The following SLC25A4 variants were observed in gnomAD, a reference collection of about 807,000 sequenced individuals.
SLC25A4 encodes the protein ADP/ATP translocase 1.
Under a neutral mutation model 24.7 loss-of-function variants are expected in SLC25A4, and 10 were observed. The observed-to-expected ratio is 0.41, with a 90% CI of 0.25 to 0.69. The LOEUF is 0.69. Ranked by LOEUF, SLC25A4 falls within the 30% of genes least tolerant of loss-of-function variation. The pLI, the probability that SLC25A4 is intolerant of heterozygous loss-of-function variation, is 0.35. For synonymous variants in SLC25A4, 125 were observed against 153.3 expected (o/e 0.82, Z 1.36); for missense variants, 273 against 387.6 (o/e 0.70, Z 2.48).
chr4:185,147,463 T>TTCTA lies in SLC25A4; in HGVS notation c.*500_*503dup, dbSNP rs551018560. The stretch of plus-strand genomic sequence containing the variant: ...GGTTTTCAAACTTAGGCAGGTCATA[T>TTCTA]TCTATCTATCTTATCCAGCATTACT... On this transcript the variant is annotated 3_prime_UTR_variant, in exon 4 of 4. Transcript: ENST00000281456. 1.6e-3 allele frequency: 261 copies of TTCTA among 165,982 alleles called. No individual in the cohort carries two copies. Among genetic ancestry groups the TTCTA allele is most frequent in the Non-Finnish European group, 2.9e-3 (224 of 76,662 alleles). The allele number at this position is 165,982 out of a possible 1,614,324, so 10.3% of individuals were successfully genotyped here. A position where few individuals can be genotyped will look rare whatever the true frequency, so the allele number is the denominator to read the frequency against.
Position 185,145,239 on chromosome 4 carries a change from A to G in SLC25A4, c.587A>G (p.Asp196Gly). 6.2e-7 allele frequency: 1 copy of G among 1,614,068 alleles called. No homozygotes were observed. Among genetic ancestry groups the G allele is most frequent in the Non-Finnish European group, 8.5e-7 (1 of 1,180,032 alleles). Reference sequence around the variant, plus strand: ...AGAGCTGCCTACTTCGGAGTCTATGATACTGCCAAGGGTGAGAGAGGGGCA... The same window carrying G: ...AGAGCTGCCTACTTCGGAGTCTATGGTACTGCCAAGGGTGAGAGAGGGGCA... ...IYRAAYFGVY[D>G]TAKGMLPDPK... The change falls in exon 2 of 4, where the codon GAT becomes GGT. Residue 196 changes from aspartate to glycine, a missense_variant. By Grantham distance (94) the Asp-to-Gly change is moderately conservative (BLOSUM62 -1). Coordinates refer to ENST00000281456, the MANE Select transcript of SLC25A4 (RefSeq NM_001151.4). This position sits in a 1 kb window ranked among gnomAD's most constrained non-coding sequence, Gnocchi z 5.5.
In SLC25A4 at chr4:185,145,018, C is replaced by T. The variant is rs528026040; in HGVS notation, c.366C>T (p.Ala122=). ...CTGGTAACCTGGCGTCCGGTGGGGC[C>T]GCTGGGGCCACCTCCCTTTGCTTTG... ...YFAGNLASGG[A]AGATSLCFVY... Residue 122 remains alanine (A), a synonymous_variant, in exon 2 of 4, where the codon GCC becomes GCT. Coordinates refer to ENST00000281456, the MANE Select transcript of SLC25A4 (RefSeq NM_001151.4). The surrounding 1 kb of genome is among the most constrained non-coding windows in gnomAD (Gnocchi z 5.5). The T allele has an allele frequency of 3.7e-6, 6 of 1,614,180 alleles. No individual in the cohort carries two copies. The East Asian group carries it at 1.1e-4, about 30-fold the overall frequency.
At position 185,150,365 on chromosome 4, in the gene SLC25A4, A is replaced by G. The variant is rs1449333012; in HGVS notation, c.*3394A>G. On this transcript the variant is annotated 3_prime_UTR_variant, in exon 4 of 4. Coordinates refer to ENST00000281456, the MANE Select transcript of SLC25A4 (RefSeq NM_001151.4). ...TTAAATGCAAATGTCAAGCCCTTAA[A>G]TAAAATTTAACAAAGTCTACCGTGT... 1.3e-5 allele frequency: 2 copies of G among 152,244 alleles called. No homozygotes were observed. The highest frequency in any genetic ancestry group is 2.9e-5 in the Non-Finnish European group (2 of 68,046). 9.4% of individuals were successfully genotyped at this position (152,244 alleles called of 1,614,324 possible). A position where few individuals can be genotyped will look rare whatever the true frequency, so the allele number is the denominator to read the frequency against.
chr4:185,145,682 T>C lies in SLC25A4; in HGVS notation c.599-77T>C. The C allele has an allele frequency of 6.4e-7, 1 of 1,554,204 alleles. No individual in the cohort carries two copies. The highest frequency in any genetic ancestry group is 1.4e-5 in the African/African-American group (1 of 73,966). On this transcript the variant is annotated intron_variant, in intron 2 of 3. Transcript: ENST00000281456. This position sits in a 1 kb window ranked among gnomAD's most constrained non-coding sequence, Gnocchi z 5.5. ...TCAGAGCATGGAGCTGGAGGTGCAG[T>C]GGCCTCTCTCCCTCCACCTGCTTTC...
At position 185,149,718 on chromosome 4, in the gene SLC25A4, A is replaced by C. The variant is rs1734504801; in HGVS notation, c.*2747A>C. 1 of 152,208 alleles carries C rather than the reference A, an allele frequency of 6.6e-6. No individual in the cohort carries two copies. Among genetic ancestry groups the C allele is most frequent in the Admixed American group, 6.5e-5 (1 of 15,276 alleles). 9.4% of individuals were successfully genotyped at this position (152,208 alleles called of 1,614,324 possible). The stretch of plus-strand genomic sequence containing the variant: ...GTACCTGCCCCAGGCATTTCTCATC[A>C]GCCCCATTTCCCACACAGCTCTCTC... On this transcript the variant is annotated 3_prime_UTR_variant, in exon 4 of 4. Coordinates refer to ENST00000281456, the MANE Select transcript of SLC25A4 (RefSeq NM_001151.4).
At position 185,147,122 on chromosome 4, in the gene SLC25A4, T is replaced by C. The variant is rs373871091; in HGVS notation, c.*151T>C. 29 of 648,700 alleles carry C rather than the reference T, an allele frequency of 4.5e-5. No individual in the cohort carries two copies. The highest frequency in any genetic ancestry group is 1.4e-4 in the East Asian group (5 of 36,430). 40.2% of individuals were successfully genotyped at this position (648,700 alleles called of 1,614,324 possible). A position where few individuals can be genotyped will look rare whatever the true frequency, so the allele number is the denominator to read the frequency against. On this transcript the variant is annotated 3_prime_UTR_variant, in exon 4 of 4. Coordinates refer to ENST00000281456, the MANE Select transcript of SLC25A4 (RefSeq NM_001151.4). Reference sequence around the variant, plus strand: ...GGAATACCTCAGAAGAGATGCTTCATTGAGTGTTCATTAAACCACACATGT... The same window carrying C: ...GGAATACCTCAGAAGAGATGCTTCACTGAGTGTTCATTAAACCACACATGT...
Position 185,143,333 on chromosome 4 carries a change from G to C in SLC25A4, c.-40G>C. On this transcript the variant is annotated 5_prime_UTR_variant, in exon 1 of 4. Transcript: ENST00000281456. ...CCAGGCCGGGCGTGGGCGAGAGCACGAACGGGCTGCCTGCGGGCTGAGAGC... is the reference window on the plus strand; with the variant it reads ...CCAGGCCGGGCGTGGGCGAGAGCACCAACGGGCTGCCTGCGGGCTGAGAGC... 1 of 1,290,476 alleles carries C rather than the reference G, an allele frequency of 7.7e-7. No homozygotes were observed. Among genetic ancestry groups the C allele is most frequent in the South Asian group, 1.3e-5 (1 of 76,874 alleles). 79.9% of individuals were successfully genotyped at this position (1,290,476 alleles called of 1,614,324 possible).
chr4:185,144,262 C>T (rs979517244), intron 1 of SLC25A4, among the ~76,000 whole-genome samples: 3 of 152,096 alleles, frequency 2.0e-5, no homozygotes, highest in African/African-American at 7.2e-5. Context: ...CTTTGGAGGC[C>T]TAATGTTTAG....
Position 185,146,910 on chromosome 4 carries a change from T to G in SLC25A4, c.836T>G (p.Leu279Arg). The change falls in exon 4 of 4, where the codon CTG (leucine) becomes CGG (arginine). Residue 279 changes from leucine to arginine, a missense_variant. By Grantham distance (102) the Leu-to-Arg change is moderately radical. Transcript: ENST00000281456. ...TTCAAAGGTGCCTGGTCCAATGTGC[T>G]GAGAGGCATGGGCGGTGCTTTTGTA... Reference protein sequence around the residue: ...AFFKGAWSNVLRGMGGAFVLV... With the variant: ...AFFKGAWSNVRRGMGGAFVLV... The G allele has an allele frequency of 6.2e-7, 1 of 1,614,196 alleles. No individual in the cohort carries two copies. The highest frequency in any genetic ancestry group is 8.5e-7 in the Non-Finnish European group (1 of 1,180,032).
chr4:185,144,735 CCT>C, intron 1 of SLC25A4, 27 bp from the exon 2 acceptor site: 3 of 1,610,756 alleles, frequency 1.9e-6, no homozygotes, highest in Middle Eastern at 1.7e-4. Context: ...CCCTGCCTGT[CCT>C]CTGTCACCCA....
In SLC25A4 at chr4:185,149,693, G is replaced by C. The variant is rs1192401769; in HGVS notation, c.*2722G>C. On this transcript the variant is annotated 3_prime_UTR_variant, in exon 4 of 4. Transcript: ENST00000281456. ...TTGGAATTGAGCGTCCGACTCTCGG[G>C]TACCTGCCCCAGGCATTTCTCATCA... 3 of 152,130 alleles carry C rather than the reference G, an allele frequency of 2.0e-5. No homozygotes were observed. The East Asian group carries it at 5.8e-4, about 29-fold the overall frequency. 9.4% of individuals were successfully genotyped at this position (152,130 alleles called of 1,614,324 possible).
At position 185,143,407 on chromosome 4, in the gene SLC25A4, T is replaced by C; in HGVS notation, c.35T>C (p.Phe12Ser). Residue 12 changes from phenylalanine (F) to serine (S), a missense_variant, in exon 1 of 4, where the codon TTC becomes TCC. Physicochemically the swap from Phe to Ser is radical, Grantham distance 155. Transcript: ENST00000281456. ...GDHAWSFLKD[F>S]LAGGVAAAVS... ...CACGCTTGGAGCTTCCTAAAGGACT[T>C]CCTGGCCGGGGGCGTCGCCGCTGCC... 6.5e-7 allele frequency: 1 copy of C among 1,527,186 alleles called. No homozygotes were observed. The highest frequency in any genetic ancestry group is 2.6e-5 in the East Asian group (1 of 38,866). 94.6% of individuals were successfully genotyped at this position (1,527,186 alleles called of 1,614,324 possible).
Position 185,149,180 on chromosome 4 carries a change from C to CTGA in SLC25A4, c.*2211_*2213dup, listed in dbSNP as rs1419345046. 1 of 152,182 alleles carries CTGA rather than the reference C, an allele frequency of 6.6e-6. No individual in the cohort carries two copies. The highest frequency in any genetic ancestry group is 1.9e-4 in the East Asian group (1 of 5,194). 9.4% of individuals were successfully genotyped at this position (152,182 alleles called of 1,614,324 possible). ...GTTCTAAGTGATCCAAACTCTATTGCTGATAGGGAATAAAAGCAGGGCAGG... is the reference window on the plus strand; with the variant it reads ...GTTCTAAGTGATCCAAACTCTATTGCTGATGATAGGGAATAAAAGCAGGGCAGG... On this transcript the variant is annotated 3_prime_UTR_variant, in exon 4 of 4. Transcript: ENST00000281456.
At position 185,145,788 on chromosome 4, in the gene SLC25A4, A is replaced by AT; in HGVS notation, c.633dup (p.Val212CysfsTer21). On this transcript the variant is annotated frameshift_variant, in exon 3 of 4. Transcript: ENST00000281456. LOFTEE classifies it high-confidence loss of function. The surrounding 1 kb of genome is among the most constrained non-coding windows in gnomAD (Gnocchi z 5.5). ...GCTGCCTGACCCCAAGAACGTGCAC[A>AT]TTTTTGTGAGCTGGATGATTGCCCA... 1.2e-6 allele frequency: 2 copies of AT among 1,614,180 alleles called. No homozygotes were observed. Among genetic ancestry groups the AT allele is most frequent in the Non-Finnish European group, 1.7e-6 (2 of 1,180,028 alleles).
intron 1 of SLC25A4, 57 bp from the exon 2 acceptor site, chr4:185,144,707 C>A: frequency 6.5e-7 from 1 of 1,528,304 alleles, no homozygotes; most frequent in South Asian, 1.1e-5. Context: ...TTTCTCCTGT[C>A]CTCTTCCCTT....
chr4:185,147,456 G>T lies in SLC25A4; in HGVS notation c.*485G>T. 1 of 165,648 alleles carries T rather than the reference G, an allele frequency of 6.0e-6. No individual in the cohort carries two copies. Among genetic ancestry groups the T allele is most frequent in the Admixed American group, 5.9e-5 (1 of 16,954 alleles). The allele number at this position is 165,648 out of a possible 1,614,324, so 10.3% of individuals were successfully genotyped here. On this transcript the variant is annotated 3_prime_UTR_variant, in exon 4 of 4. Transcript: ENST00000281456. Reference sequence around the variant, plus strand: ...AAGTTCCGGTTTTCAAACTTAGGCAGGTCATATTCTATCTATCTTATCCAG... The same window carrying T: ...AAGTTCCGGTTTTCAAACTTAGGCATGTCATATTCTATCTATCTTATCCAG...
Position 185,147,753 on chromosome 4 carries a change from C to A in SLC25A4, c.*782C>A, listed in dbSNP as rs1487054231. 1 of 151,998 alleles carries A rather than the reference C, an allele frequency of 6.6e-6. No individual in the cohort carries two copies. The highest frequency in any genetic ancestry group is 1.5e-5 in the Non-Finnish European group (1 of 68,016). 9.4% of individuals were successfully genotyped at this position (151,998 alleles called of 1,614,324 possible). ...CAGCACTTTGGGAGGCAGAGGTGGG[C>A]GTATCACTTCAGGCCAGGAGTTTGA... On this transcript the variant is annotated 3_prime_UTR_variant, in exon 4 of 4. Transcript: ENST00000281456.
Position 185,146,996 on chromosome 4 carries a change from A to T in SLC25A4, c.*25A>T. On this transcript the variant is annotated 3_prime_UTR_variant, in exon 4 of 4. Coordinates refer to ENST00000281456, the MANE Select transcript of SLC25A4 (RefSeq NM_001151.4). ...ATGTAATTAAAACACAAGTTCACAG[A>T]TTTACAGTGAACTTGATCTACAAGT... The T allele has an allele frequency of 6.3e-7, 1 of 1,597,406 alleles. No homozygotes were observed. Among genetic ancestry groups the T allele is most frequent in the Non-Finnish European group, 8.6e-7 (1 of 1,165,800 alleles).
intron 1 of SLC25A4, among the ~76,000 whole-genome samples, chr4:185,144,339 G>C (rs1734398641): frequency 6.6e-6 from 1 of 152,136 alleles, no homozygotes; most frequent in South Asian, 2.1e-4. Flanking sequence ...TGATCAGAGT[G>C]ACACTGAGAA....
Sources: allele counts gnomAD v4.1 joint callset (sites outside exome capture counted in the v4.1 genomes callset), GRCh38; gene constraint gnomAD v4.1.1; non-coding constraint Gnocchi (gnomAD v3.1); transcripts MANE v1.5; gene names NCBI Gene and HGNC (gene_info 2026-07-23, HGNC 2026-07-21).